The following KCNIP1 variants were observed in gnomAD, a reference collection of about 807,000 sequenced individuals.
The protein encoded by KCNIP1 is potassium voltage-gated channel interacting protein 1.
Under a neutral mutation model 33.0 loss-of-function variants are expected in KCNIP1, and 18 were observed. That is an observed-to-expected ratio of 0.55 (90% CI 0.38 to 0.81). The LOEUF is 0.81. Ranked by LOEUF, KCNIP1 falls within the 30% of genes least tolerant of loss-of-function variation. The pLI, the probability that KCNIP1 is intolerant of heterozygous loss-of-function variation, is 0.00. For synonymous variants in KCNIP1, 93 were observed against 98.3 expected, an observed-to-expected ratio of 0.95 and a Z score of 0.32; for missense variants, 238 against 271.6, an observed-to-expected ratio of 0.88 and a Z score of 0.87.
Position 170,524,068 on chromosome 5 carries a change from C to T in KCNIP1, c.61+19435C>T, listed in dbSNP as rs1400162096. Among the ~76,000 whole-genome samples, 2 of 152,136 alleles carry T rather than the reference C, an allele frequency of 1.3e-5. 1 individual carries two copies. The highest frequency in any genetic ancestry group is 4.1e-4 in the South Asian group (2 of 4,822). On this transcript the variant is annotated intron_variant, in intron 1 of 7. Transcript: ENST00000328939. ...TCTGCCCTGGCTTTCTTGTGGTGGC[C>T]TCCTCCCTGGCCTCCCCACCCTCAT...
chr5:170,436,629 GTGCA>G (rs1227751202), intron 1 of KCNIP1, among the ~76,000 whole-genome samples: 1 of 152,192 alleles, frequency 6.6e-6, no homozygotes, highest in African/African-American at 2.4e-5. Flanking sequence ...GCGCAGGTGT[GTGCA>G]TGCATGCATG....
intron 1 of KCNIP1, among the ~76,000 whole-genome samples, chr5:170,531,919 G>A (rs1220056156): frequency 6.6e-6 from 1 of 151,516 alleles, no homozygotes; most frequent in South Asian, 2.1e-4. Flanking sequence ...CCATCTTCCC[G>A]ATCTAACTCA....
intron 1 of KCNIP1, among the ~76,000 whole-genome samples, chr5:170,689,812 A>G (rs913510074): frequency 1.3e-5 from 2 of 152,220 alleles, no homozygotes; most frequent in African/African-American, 2.4e-5. Context: ...AAAGACGAAG[A>G]TTGGACAATA....
At chr5:170,691,368 C>T (rs532644477) in intron 1 of KCNIP1, among the ~76,000 whole-genome samples, 7 of 152,270 alleles carry the variant, frequency 4.6e-5, no homozygotes, top group South Asian at 2.1e-4. Context: ...TTTAGTTGGA[C>T]GAGAGCTTGA....
intron 1 of KCNIP1, among the ~76,000 whole-genome samples, chr5:170,574,160 C>T (rs542520461): frequency 6.6e-6 from 1 of 152,316 alleles, no homozygotes; most frequent in African/African-American, 2.4e-5. Flanking sequence ...TAAGTCCTCA[C>T]ATTATTGTCT....
intron 1 of KCNIP1, among the ~76,000 whole-genome samples, chr5:170,533,790 A>G (rs1755869427): frequency 6.6e-6 from 1 of 152,186 alleles, no homozygotes; most frequent in Non-Finnish European, 1.5e-5. Flanking sequence ...GATTTCTCCT[A>G]TTAGATTGCA....
In KCNIP1 at chr5:170,560,542, A is replaced by G. The variant is rs577287363; in HGVS notation, c.61+55909A>G. On this transcript the variant is annotated intron_variant, in intron 1 of 7. Coordinates refer to ENST00000328939, the MANE Select transcript of KCNIP1 (RefSeq NM_014592.4). Reference sequence around the variant, plus strand: ...ATGGGAGCTGTCATGCCCCTGTCACACAGCAGTGTTGTGCCCCCGGGGATC... The same window carrying G: ...ATGGGAGCTGTCATGCCCCTGTCACGCAGCAGTGTTGTGCCCCCGGGGATC... 2.0e-5 allele frequency among the ~76,000 whole-genome samples: 3 copies of G among 152,088 alleles called. No homozygotes were observed. In the East Asian group the frequency reaches 5.8e-4, roughly 30 times the overall value.
chr5:170,474,472 C>T (rs1407592944), intron 1 of KCNIP1, among the ~76,000 whole-genome samples: 4 of 152,118 alleles, frequency 2.6e-5, no homozygotes, highest in Non-Finnish European at 5.9e-5. Flanking sequence ...AGTCAAAGAA[C>T]CTAGAAGTGT....
chr5:170,613,083 G>A (rs1759235947), intron 1 of KCNIP1, among the ~76,000 whole-genome samples: 1 of 152,204 alleles, frequency 6.6e-6, no homozygotes, highest in South Asian at 2.1e-4. Flanking sequence ...CCCAGAAGCT[G>A]ATCCCTTTGT....
intron 1 of KCNIP1, among the ~76,000 whole-genome samples, chr5:170,712,401 G>A (rs1763480952): frequency 6.6e-6 from 1 of 152,212 alleles, no homozygotes; most frequent in Non-Finnish European, 1.5e-5. Flanking sequence ...CAGTTATTGG[G>A]TGGAGTGAGC....
At chr5:170,366,132 G>T (rs1171405852) in intron 1 of KCNIP1, among the ~76,000 whole-genome samples, 3 of 152,136 alleles carry the variant, frequency 2.0e-5, no homozygotes, top group Non-Finnish European at 4.4e-5. Flanking sequence ...TTTATTCTAG[G>T]GAGATGAGAC....
intron 1 of KCNIP1, among the ~76,000 whole-genome samples, chr5:170,599,476 G>A (rs1581381669): frequency 6.6e-6 from 1 of 152,176 alleles, no homozygotes; most frequent in African/African-American, 2.4e-5. Context: ...CATACCCTGT[G>A]TATCAAGGAA....
At chr5:170,426,457 G>A (rs978412002) in intron 1 of KCNIP1, among the ~76,000 whole-genome samples, 15 of 152,156 alleles carry the variant, frequency 9.9e-5, no homozygotes, top group African/African-American at 3.6e-4. Context: ...CATACTGAAG[G>A]GCGAAGGCTT....
chr5:170,450,728 C>A (rs1465508569), intron 1 of KCNIP1, among the ~76,000 whole-genome samples: 2 of 152,236 alleles, frequency 1.3e-5, no homozygotes, highest in Non-Finnish European at 2.9e-5. Flanking sequence ...CCTTCTCTTT[C>A]TCTGGCCAAC....
At chr5:170,624,239 T>C (rs746353774) in intron 1 of KCNIP1, among the ~76,000 whole-genome samples, 6 of 152,340 alleles carry the variant, frequency 3.9e-5, no homozygotes, top group Non-Finnish European at 8.8e-5. Context: ...TTATTGAGCA[T>C]CTACTATGTG....
intron 1 of KCNIP1, among the ~76,000 whole-genome samples, chr5:170,655,509 C>T (rs10475546): frequency 0.096 from 14,648 of 152,210 alleles, 1,318 homozygotes; most frequent in African/African-American, 0.24. Flanking sequence ...TTCCCGCCAC[C>T]GTTGGCCAAT....
chr5:170,673,070 T>C (rs1180071605), intron 1 of KCNIP1, among the ~76,000 whole-genome samples: 1 of 152,262 alleles, frequency 6.6e-6, no homozygotes, highest in Non-Finnish European at 1.5e-5. Context: ...ACATTTGTTT[T>C]ACTTAGTTGA....
intron 1 of KCNIP1, among the ~76,000 whole-genome samples, chr5:170,459,848 G>C (rs1206183184): frequency 2.6e-5 from 4 of 152,178 alleles, no homozygotes; most frequent in African/African-American, 2.4e-5. Flanking sequence ...GATCAGAGCA[G>C]AACTAAATGA....
At chr5:170,366,926 C>A (rs1187746685) in intron 1 of KCNIP1, among the ~76,000 whole-genome samples, 1 of 152,256 alleles carries the variant, frequency 6.6e-6, no homozygotes, top group Non-Finnish European at 1.5e-5. Flanking sequence ...CCAAGTCTCT[C>A]TCTCTTGCCT....
Sources: allele counts gnomAD v4.1 joint callset (sites outside exome capture counted in the v4.1 genomes callset), GRCh38; gene constraint gnomAD v4.1.1; transcripts MANE v1.5; gene names NCBI Gene and HGNC (gene_info 2026-07-23, HGNC 2026-07-21).